Variants in CDH19 observed in about 807,000 individuals in gnomAD.
The protein encoded by CDH19 is cadherin-19.
In CDH19, 67 loss-of-function variants were observed where a neutral mutation model predicts 64.2. The ratio of observed to expected loss-of-function variants is 1.04; its 90% CI spans 0.86 to 1.28. CDH19 has a LOEUF of 1.28. CDH19 is among the 50% of genes most tolerant of loss of function. The pLI is 0.00. For missense variants in CDH19, 1,030 were observed against 929.0 expected, an observed-to-expected ratio of 1.11 and a Z score of -1.41; for synonymous variants, 346 against 319.3, an observed-to-expected ratio of 1.08 and a Z score of -0.89.
intron 9 of CDH19, among the ~76,000 whole-genome samples, chr18:66,518,711 C>T (rs1010045325): frequency 6.6e-6 from 1 of 152,062 alleles, no homozygotes; most frequent in African/African-American, 2.4e-5. Flanking sequence ...TGAAAATTAA[C>T]TGTAACTTTG....
intron 1 of CDH19, among the ~76,000 whole-genome samples, chr18:66,583,666 G>A (rs1907894741): frequency 6.6e-6 from 1 of 151,904 alleles, no homozygotes; most frequent in Admixed American, 6.6e-5. Flanking sequence ...CACAAATCAC[G>A]TAGACCAAGG....
intron 1 of CDH19, among the ~76,000 whole-genome samples, chr18:66,594,644 G>C (rs1988833184): frequency 1.3e-5 from 2 of 151,608 alleles, no homozygotes; most frequent in South Asian, 4.2e-4. Flanking sequence ...AGAAAATGTG[G>C]CACATATACA....
chr18:66,540,277 T>C (rs570406292), intron 7 of CDH19, among the ~76,000 whole-genome samples: 21 of 152,124 alleles, frequency 1.4e-4, no homozygotes, highest in Non-Finnish European at 2.9e-4. Flanking sequence ...TAACAGGAAA[T>C]AATACACCAT....
At chr18:66,515,036 C>A in intron 9 of CDH19, among the ~76,000 whole-genome samples, 1 of 151,492 alleles carries the variant, frequency 6.6e-6, no homozygotes, top group East Asian at 1.9e-4. Flanking sequence ...ATCATGAACT[C>A]TAAATCAAGA....
Position 66,543,989 on chromosome 18 carries a change from T to G in CDH19, c.1196A>C (p.Asn399Thr). ...GACATACCTGATAGGAGATTTCCTA[T>G]TGTCTGGGTCTGTGGCAGACACCAC... ...VGVVSATDPD[N>T]RKSPIRYSIT... The change falls in exon 7 of 12, where the codon AAT becomes ACT. Residue 399 changes from asparagine (N) to threonine (T), a missense_variant. By Grantham distance (65) the Asn-to-Thr change is moderately conservative. Transcript: ENST00000262150. The G allele has an allele frequency of 6.2e-7, 1 of 1,612,586 alleles. No homozygotes were observed.
chr18:66,516,277 T>C (rs1985732626), intron 9 of CDH19, among the ~76,000 whole-genome samples: 2 of 151,966 alleles, frequency 1.3e-5, no homozygotes, highest in Non-Finnish European at 2.9e-5. Flanking sequence ...ACATCCTTAG[T>C]GTAAGTCTGG....
In CDH19 at chr18:66,590,578, A is replaced by G. The variant is rs371593051; in HGVS notation, c.-113+13376T>C. Among the ~76,000 whole-genome samples the G allele has an allele frequency of 1.4e-4, 21 of 152,026 alleles. 1 individual carries two copies. The South Asian group carries it at 4.4e-3, about 32-fold the overall frequency. On this transcript the variant is annotated intron_variant, in intron 1 of 11. Transcript: ENST00000262150. ...GAAGTTGGTTAACACTTATTTATAGAACAGTGTTTTTCAAACTTTTCATAA... is the reference window on the plus strand; with the variant it reads ...GAAGTTGGTTAACACTTATTTATAGGACAGTGTTTTTCAAACTTTTCATAA...
At chr18:66,555,283 G>T (rs756497804) in intron 3 of CDH19, among the ~76,000 whole-genome samples, 1 of 151,702 alleles carries the variant, frequency 6.6e-6, no homozygotes, top group African/African-American at 2.4e-5. Context: ...ATATGTATTT[G>T]TTGAAACACT....
At chr18:66,549,044 A>G (rs1987245141) in intron 5 of CDH19, among the ~76,000 whole-genome samples, 1 of 152,062 alleles carries the variant, frequency 6.6e-6, no homozygotes, top group Non-Finnish European at 1.5e-5. Flanking sequence ...GAGGAGGGTA[A>G]TGGGATTCCC....
At chr18:66,600,729 C>G (rs896814746) in intron 1 of CDH19, among the ~76,000 whole-genome samples, 3 of 151,626 alleles carry the variant, frequency 2.0e-5, no homozygotes, top group African/African-American at 4.8e-5. Flanking sequence ...AAATGTGTAG[C>G]CAGGTACACA....
At chr18:66,537,351 T>C (rs929160361) in intron 7 of CDH19, among the ~76,000 whole-genome samples, 2 of 151,938 alleles carry the variant, frequency 1.3e-5, no homozygotes, top group Non-Finnish European at 2.9e-5. Flanking sequence ...GTCTGATGCT[T>C]TCTCATGATT....
chr18:66,593,113 A>G (rs560166805), intron 1 of CDH19, among the ~76,000 whole-genome samples: 2 of 151,946 alleles, frequency 1.3e-5, no homozygotes, highest in South Asian at 4.1e-4. Context: ...GTGAAATAAT[A>G]TCTCATTGTG....
chr18:66,575,132 C>A (rs899911755), intron 1 of CDH19, among the ~76,000 whole-genome samples: 5 of 151,796 alleles, frequency 3.3e-5, no homozygotes, highest in African/African-American at 1.2e-4. Context: ...TGGAACAGCA[C>A]TCTAATTCAG....
chr18:66,586,624 T>C (rs886445784), intron 1 of CDH19, among the ~76,000 whole-genome samples: 3 of 151,230 alleles, frequency 2.0e-5, no homozygotes, highest in Non-Finnish European at 3.0e-5. Context: ...TAGTACCATA[T>C]AGAGGAGTTA....
Position 66,529,873 on chromosome 18 carries a change from T to A in CDH19, c.1430A>T (p.Tyr477Phe), listed in dbSNP as rs1218530704. The change falls in exon 9 of 12, where the codon TAT (tyrosine) becomes TTT (phenylalanine). Residue 477 changes from tyrosine (Y) to phenylalanine (F), a missense_variant. By Grantham distance (22) the Tyr-to-Phe change is conservative. Coordinates refer to ENST00000262150, the MANE Select transcript of CDH19 (RefSeq NM_021153.4). The stretch of plus-strand genomic sequence containing the variant: ...ACCAGAGCCTGCATTTTCACAAACA[T>A]AAGTCTCATAGTATTGAGAGAACTC... ...APEFSQYYET[Y>F]VCENAGSGQV... 6.3e-7 allele frequency: 1 copy of A among 1,596,322 alleles called. No individual in the cohort carries two copies. The highest frequency in any genetic ancestry group is 1.1e-5 in the South Asian group (1 of 89,092).
At position 66,586,844 on chromosome 18, in the gene CDH19, G is replaced by A. The variant is rs144777563; in HGVS notation, c.-112-14528C>T. 1.3e-3 allele frequency among the ~76,000 whole-genome samples: 196 copies of A among 152,090 alleles called. 2 individuals carry two copies. In the East Asian group the frequency reaches 0.031, roughly 24 times the overall value. ...TAAATCCCCTTCTTGAATTGTTGTGGCTGGAATATCTTTTGGAATGCGTAT... is the reference window on the plus strand; with the variant it reads ...TAAATCCCCTTCTTGAATTGTTGTGACTGGAATATCTTTTGGAATGCGTAT... On this transcript the variant is annotated intron_variant, in intron 1 of 11. Transcript: ENST00000262150.
chr18:66,511,722 G>T, intron 9 of CDH19, 37 bp from the exon 10 acceptor site: 1 of 958,214 alleles, frequency 1.0e-6, no homozygotes, highest in South Asian at 1.4e-5. Flanking sequence ...GTTGTTGTTT[G>T]GATTCAGGAA....
intron 7 of CDH19, among the ~76,000 whole-genome samples, chr18:66,540,344 A>C (rs1198038547): frequency 1.3e-5 from 2 of 152,174 alleles, no homozygotes; most frequent in African/African-American, 4.8e-5. Context: ...TTTGAAAGGA[A>C]ACTTCAATAA....
At chr18:66,532,945 A>G (rs562099327) in intron 8 of CDH19, among the ~76,000 whole-genome samples, 1 of 151,896 alleles carries the variant, frequency 6.6e-6, no homozygotes, top group East Asian at 1.9e-4. Flanking sequence ...GAGAACATGT[A>G]TATATTGGAT....
Sources: allele counts gnomAD v4.1 joint callset (sites outside exome capture counted in the v4.1 genomes callset), GRCh38; gene constraint gnomAD v4.1.1; transcripts MANE v1.5; gene names NCBI Gene and HGNC (gene_info 2026-07-23, HGNC 2026-07-21).